SIK3: variants seen among roughly 807,000 people sequenced by gnomAD.
The protein encoded by SIK3 is SIK family kinase 3, also known as serine/threonine-protein kinase SIK3.
In SIK3, 28 loss-of-function variants were observed where a neutral mutation model predicts 144.2. The ratio of observed to expected loss-of-function variants is 0.19; its 90% CI spans 0.14 to 0.27. SIK3 has a LOEUF of 0.27. SIK3 is among the 10% of genes least tolerant of loss of function. The pLI, the probability that SIK3 is intolerant of heterozygous loss-of-function variation, is 1.00. For missense variants in SIK3, 1,319 were observed against 1,776.0 expected, an observed-to-expected ratio of 0.74 and a Z score of 4.62; for synonymous variants, 686 against 676.3, an observed-to-expected ratio of 1.01 and a Z score of -0.22.
intron 9 of SIK3, 22 bp downstream of exon 9, chr11:116,875,844 G>T (rs757157055): frequency 6.3e-7 from 1 of 1,591,200 alleles, no homozygotes; most frequent in South Asian, 1.1e-5. Flanking sequence ...TCCTGAACTA[G>T]GTCACTGGAG....
chr11:116,863,593 C>G, intron 16 of SIK3, 75 bp downstream of exon 16: 1 of 1,593,112 alleles, frequency 6.3e-7, no homozygotes, highest in South Asian at 1.1e-5. Context: ...GGTACGTTTA[C>G]CACCCCAGTC....
intron 1 of SIK3, among the ~76,000 whole-genome samples, chr11:117,030,133 G>A (rs1301535550): frequency 6.6e-6 from 1 of 152,232 alleles, no homozygotes; most frequent in African/African-American, 2.4e-5. Flanking sequence ...CTAGAGAAAG[G>A]AGAAATGTAA....
intron 1 of SIK3, among the ~76,000 whole-genome samples, chr11:117,012,987 G>A (rs1951329903): frequency 6.6e-6 from 1 of 151,518 alleles, no homozygotes; most frequent in Non-Finnish European, 1.5e-5. Context: ...GAGTAGCTGG[G>A]ACTACAAGCG....
intron 1 of SIK3, among the ~76,000 whole-genome samples, chr11:117,073,858 C>T (rs188702275): frequency 6.6e-6 from 1 of 152,320 alleles, no homozygotes; most frequent in East Asian, 1.9e-4. Flanking sequence ...ATGTTTGCTA[C>T]CACAGCTGCT....
At chr11:117,005,355 A>AG (rs1951008029) in intron 1 of SIK3, among the ~76,000 whole-genome samples, 1 of 149,890 alleles carries the variant, frequency 6.7e-6, no homozygotes, top group African/African-American at 2.4e-5. Context: ...AAAAAAAAAA[A>AG]AAAAAAGATA....
In SIK3 at chr11:116,956,278, T is replaced by A. The variant is rs1057482062; in HGVS notation, c.390+670A>T. 4.6e-5 allele frequency among the ~76,000 whole-genome samples: 7 copies of A among 152,080 alleles called. No individual in the cohort carries two copies. The East Asian group carries it at 1.3e-3, about 29-fold the overall frequency. On this transcript the variant is annotated intron_variant, in intron 2 of 24. Transcript: ENST00000445177. Reference sequence around the variant, plus strand: ...GCCATCAGATTTACTGCTTTTGTAGTTATGCTAGGGAATCATTTTGATGAT... The same window carrying A: ...GCCATCAGATTTACTGCTTTTGTAGATATGCTAGGGAATCATTTTGATGAT...
chr11:117,067,322 C>T (rs1954067518), intron 1 of SIK3, among the ~76,000 whole-genome samples: 1 of 152,164 alleles, frequency 6.6e-6, no homozygotes, highest in Non-Finnish European at 1.5e-5. Flanking sequence ...TTGTTACATC[C>T]ATACAATGTA....
intron 1 of SIK3, among the ~76,000 whole-genome samples, chr11:117,087,189 C>T (rs1194453038): frequency 1.3e-5 from 2 of 151,870 alleles, no homozygotes; most frequent in East Asian, 3.9e-4. Context: ...CCTGTAATAC[C>T]ACCACTCTGA....
chr11:116,981,900 G>A (rs1417134649), intron 1 of SIK3, among the ~76,000 whole-genome samples: 1 of 152,124 alleles, frequency 6.6e-6, no homozygotes, highest in Non-Finnish European at 1.5e-5. Context: ...CCCAGACACT[G>A]GGAACCATAA....
At chr11:117,081,603 G>A (rs920894838) in intron 1 of SIK3, among the ~76,000 whole-genome samples, 5 of 152,160 alleles carry the variant, frequency 3.3e-5, no homozygotes, top group Admixed American at 6.5e-5. Context: ...CAGCGTGGGC[G>A]ACAGAGCGAG....
Position 116,965,455 on chromosome 11 carries a change from T to C in SIK3, c.274-8391A>G, listed in dbSNP as rs373407428. ...GTCAATCAGGATTATTTACAAAATA[T>C]AGATATTCAATTTTCTATTTTCAGG... On this transcript the variant is annotated intron_variant, in intron 1 of 24. Coordinates refer to ENST00000445177, the MANE Select transcript of SIK3 (RefSeq NM_001366686.3). 3.9e-4 allele frequency among the ~76,000 whole-genome samples: 60 copies of C among 151,948 alleles called. No homozygotes were observed. The South Asian group carries it at 8.5e-3, about 22-fold the overall frequency.
intron 1 of SIK3, among the ~76,000 whole-genome samples, chr11:116,964,239 G>A (rs1474406344): frequency 6.6e-6 from 1 of 151,968 alleles, no homozygotes. Context: ...GGTCTCAATG[G>A]ATCCTCCCAC....
chr11:116,844,649 A>AATATATATATAATATATATATTATAT lies in SIK3; in HGVS notation c.*993_*994insATATAATATATATATTATATATATAT, dbSNP rs1941805918. ...TATATAATATATTATATTATATATT[A>AATATATATATAATATATATATTATAT]TATATATAATATATATATACACATA... is the stretch of plus-strand genomic sequence containing the variant. On this transcript the variant is annotated 3_prime_UTR_variant, in exon 25 of 25. Coordinates refer to ENST00000445177, the MANE Select transcript of SIK3 (RefSeq NM_001366686.3). 11 of 104,740 alleles carry AATATATATATAATATATATATTATAT rather than the reference A, an allele frequency of 1.1e-4. No homozygotes were observed. The South Asian group carries it at 1.2e-3, about 12-fold the overall frequency. 6.5% of individuals were successfully genotyped at this position (104,740 alleles called of 1,614,324 possible).
At chr11:116,910,259 GTTTTCCTTC>G (rs1384692860) in intron 4 of SIK3, among the ~76,000 whole-genome samples, 1 of 151,554 alleles carries the variant, frequency 6.6e-6, no homozygotes, top group Non-Finnish European at 1.5e-5. Context: ...AAAAAATTAG[GTTTTCCTTC>G]TTTTCCTTCA....
At chr11:116,975,257 G>A (rs749198495) in intron 1 of SIK3, among the ~76,000 whole-genome samples, 7 of 150,994 alleles carry the variant, frequency 4.6e-5, no homozygotes, top group Non-Finnish European at 7.4e-5. Flanking sequence ...AAAATTCAAC[G>A]TGTTTTATAA....
chr11:116,997,603 T>C (rs774383926), intron 1 of SIK3, among the ~76,000 whole-genome samples: 3 of 152,228 alleles, frequency 2.0e-5, no homozygotes, highest in Non-Finnish European at 4.4e-5. Flanking sequence ...AAGTTTATGG[T>C]AGCTTACATA....
chr11:117,052,036 G>A (rs1953270513), intron 1 of SIK3, among the ~76,000 whole-genome samples: 1 of 152,060 alleles, frequency 6.6e-6, no homozygotes, highest in African/African-American at 2.4e-5. Flanking sequence ...CAGCTACTCA[G>A]GAGGCTGAGG....
At chr11:117,006,735 T>C (rs540899506) in intron 1 of SIK3, among the ~76,000 whole-genome samples, 1 of 152,148 alleles carries the variant, frequency 6.6e-6, no homozygotes, top group Non-Finnish European at 1.5e-5. Flanking sequence ...TTTGCAAATC[T>C]AGGTATTTAG....
intron 3 of SIK3, among the ~76,000 whole-genome samples, chr11:116,934,188 A>G (rs1292373207): frequency 6.6e-6 from 1 of 152,208 alleles, no homozygotes; most frequent in Non-Finnish European, 1.5e-5. Context: ...AAGCTCCATG[A>G]GGGCAGGCAT....
Sources: allele counts gnomAD v4.1 joint callset (sites outside exome capture counted in the v4.1 genomes callset), GRCh38; gene constraint gnomAD v4.1.1; transcripts MANE v1.5; gene names NCBI Gene and HGNC (gene_info 2026-07-23, HGNC 2026-07-21).